Variants in ILDR1 observed in about 807,000 individuals in gnomAD.
ILDR1 encodes the protein immunoglobulin like domain containing receptor 1.
In ILDR1, 56 loss-of-function variants were observed where a neutral mutation model predicts 62.4. The observed-to-expected ratio is 0.90, with a 90% CI of 0.72 to 1.12. The LOEUF (loss-of-function observed/expected upper bound fraction) is 1.12. Among genes scored for constraint, ILDR1 ranks in the 50% most tolerant of loss-of-function variants. The pLI, the probability that ILDR1 is intolerant of heterozygous loss-of-function variation, is 0.00. For missense variants in ILDR1, 736 were observed against 710.6 expected (o/e 1.04, Z -0.41); for synonymous variants, 284 against 277.8 (o/e 1.02, Z -0.22).
At chr3:122,041,266 G>A in the ILDR1 span, among the ~76,000 whole-genome samples, 1 of 152,320 alleles carries the variant, frequency 6.6e-6, no homozygotes, top group South Asian at 2.1e-4. Context: ...CCTCCCTTAT[G>A]AATGGATGAA....
At chr3:122,022,435 C>G (rs1381175399), upstream of ILDR1, among the ~76,000 whole-genome samples, 1 of 152,208 alleles carries the variant, frequency 6.6e-6, no homozygotes, top group African/African-American at 2.4e-5. Flanking sequence ...CAGAAGTTCT[C>G]GGGAAATCTC....
chr3:122,044,838 A>C, the ILDR1 span, among the ~76,000 whole-genome samples: 5,031 of 151,976 alleles, frequency 0.033, 266 homozygotes, highest in African/African-American at 0.12. Flanking sequence ...CTAGTGGTCT[A>C]TCAATTTTGT....
chr3:122,049,349 C>G, the ILDR1 span, among the ~76,000 whole-genome samples: 1 of 152,230 alleles, frequency 6.6e-6, no homozygotes, highest in South Asian at 2.1e-4. Flanking sequence ...GTGAATTCTT[C>G]TGCTATTAGG....
At chr3:122,019,981 A>C (rs1350718293) in intron 1 of ILDR1, among the ~76,000 whole-genome samples, 1 of 152,202 alleles carries the variant, frequency 6.6e-6, no homozygotes, top group African/African-American at 2.4e-5. Flanking sequence ...GCTTGTCAGG[A>C]ATTTCACCTG....
At chr3:122,053,482 G>A in the ILDR1 span, among the ~76,000 whole-genome samples, 1 of 152,010 alleles carries the variant, frequency 6.6e-6, no homozygotes, top group East Asian at 1.9e-4. Flanking sequence ...TTAGAAAATT[G>A]TAATATAAAA....
chr3:122,003,143 C>G lies in ILDR1; in HGVS notation c.380-1279G>C, dbSNP rs12488828. On this transcript the variant is annotated intron_variant, in intron 3 of 7. Transcript: ENST00000344209. ...CCTCCGTGTGAAGTGCAGCGGCAGG[C>G]AGTTCCAGCTCCCCCACCCACAGTA... Among the ~76,000 whole-genome samples, 636 of 152,282 alleles carry G rather than the reference C, an allele frequency of 4.2e-3. 4 individuals are homozygous for G. The highest frequency in any genetic ancestry group is 0.031 in the Middle Eastern group (9 of 294).
At chr3:122,047,696 CT>C in the ILDR1 span, among the ~76,000 whole-genome samples, 1 of 152,216 alleles carries the variant, frequency 6.6e-6, no homozygotes, top group Non-Finnish European at 1.5e-5. Context: ...TCTGTCACCC[CT>C]TTCTTTGACT....
chr3:121,995,135 T>C (rs2071417647), intron 5 of ILDR1, among the ~76,000 whole-genome samples: 1 of 152,220 alleles, frequency 6.6e-6, no homozygotes, highest in Non-Finnish European at 1.5e-5. Flanking sequence ...CCGCAGTGAG[T>C]ACAAATTAAA....
the ILDR1 span, among the ~76,000 whole-genome samples, chr3:122,050,352 A>G: frequency 1.3e-5 from 2 of 152,014 alleles, no homozygotes; most frequent in African/African-American, 4.8e-5. Context: ...ATCTCTTGCT[A>G]TCTTCCTTTG....
chr3:122,011,255 G>C (rs139080082), intron 1 of ILDR1, among the ~76,000 whole-genome samples: 1 of 152,152 alleles, frequency 6.6e-6, no homozygotes, highest in Non-Finnish European at 1.5e-5. Flanking sequence ...TGGGAGCAGG[G>C]AGACCAGGTT....
At chr3:122,056,968 A>G in the ILDR1 span, among the ~76,000 whole-genome samples, 3 of 152,242 alleles carry the variant, frequency 2.0e-5, no homozygotes, top group African/African-American at 4.8e-5. Flanking sequence ...AAGATTGGTC[A>G]TGAACCAGTA....
At chr3:122,015,354 G>A (rs2071762139) in intron 1 of ILDR1, among the ~76,000 whole-genome samples, 1 of 152,144 alleles carries the variant, frequency 6.6e-6, no homozygotes, top group South Asian at 2.1e-4. Context: ...AACTAGGAAG[G>A]AATCATCCTG....
the ILDR1 span, chr3:122,055,236 A>T: frequency 6.6e-6 from 3 of 453,786 alleles, no homozygotes; most frequent in Non-Finnish European, 7.8e-6. Context: ...TCTTTAATAC[A>T]TATAGACCTA....
chr3:122,058,766 A>T, the ILDR1 span, among the ~76,000 whole-genome samples: 1 of 152,166 alleles, frequency 6.6e-6, no homozygotes, highest in Admixed American at 6.5e-5. Flanking sequence ...TTTAAAAAAA[A>T]TCCCTTGGCA....
intron 2 of ILDR1, 38 bp from the exon 3 acceptor site, chr3:122,005,431 G>A (rs750055515): frequency 3.7e-6 from 6 of 1,612,120 alleles, no homozygotes; most frequent in Non-Finnish European, 4.2e-6. Flanking sequence ...CACAGCAATA[G>A]GGGGTTCCCA....
At chr3:122,023,674 C>G (rs993311799), upstream of ILDR1, among the ~76,000 whole-genome samples, 2 of 152,166 alleles carry the variant, frequency 1.3e-5, no homozygotes, top group Admixed American at 6.5e-5. Context: ...TCTGACTTCT[C>G]TTTTCCCCAG....
the ILDR1 span, among the ~76,000 whole-genome samples, chr3:122,050,894 G>C: frequency 2.4e-4 from 36 of 152,200 alleles, 1 homozygote; most frequent in East Asian, 5.4e-3. Flanking sequence ...TTGAAGGCTA[G>C]TTTTGCCAGA....
the ILDR1 span, among the ~76,000 whole-genome samples, chr3:122,046,251 C>A: frequency 1.0e-3 from 150 of 149,852 alleles, no homozygotes; most frequent in Non-Finnish European, 1.1e-3. Flanking sequence ...TCGGCCCCCA[C>A]TCTCTTCTGG....
the ILDR1 span, among the ~76,000 whole-genome samples, chr3:122,046,920 G>A: frequency 1.4e-4 from 20 of 143,918 alleles, no homozygotes; most frequent in African/African-American, 4.4e-4. Context: ...CTCTCAGCTC[G>A]TCAAAGTCAT....
Sources: allele counts gnomAD v4.1 joint callset (sites outside exome capture counted in the v4.1 genomes callset), GRCh38; gene constraint gnomAD v4.1.1; transcripts MANE v1.5; gene names NCBI Gene and HGNC (gene_info 2026-07-23, HGNC 2026-07-21).